Variants in ARL13A observed in about 807,000 individuals in gnomAD.
ARL13A encodes ARF like GTPase 13A.
Under a neutral mutation model 19.1 loss-of-function variants are expected in ARL13A, and 16 were observed. That is an observed-to-expected ratio of 0.84 (90% CI 0.57 to 1.27). The LOEUF is 1.27. ARL13A is among the 50% of genes most tolerant of loss of function. The probability of loss-of-function intolerance (pLI) is 0.00; values close to 1 mark genes in which losing one functional copy is unlikely to be tolerated. For missense variants in ARL13A, 153 were observed against 186.4 expected (o/e 0.82, Z 1.04); for synonymous variants, 69 against 71.3 (o/e 0.97, Z 0.17).
Position 100,970,212 on chromosome X carries a change from C to A in ARL13A, c.-15+403C>A, listed in dbSNP as rs2085638276. ...CTTCATGTGCAAAACTGGAGTAAGG[C>A]TGGTTTTGATCACAGGCCATATATA... On this transcript the variant is annotated intron_variant, in intron 1 of 7. Coordinates refer to ENST00000450049, the MANE Select transcript of ARL13A (RefSeq NM_001162491.2). Among the ~76,000 whole-genome samples the A allele has an allele frequency of 3.6e-5, 4 of 112,665 alleles. No individual in the cohort carries two copies. The Admixed American group carries it at 3.7e-4, about 11-fold the overall frequency.
At chrX:100,976,634 C>T (rs779052052) in intron 3 of ARL13A, among the ~76,000 whole-genome samples, 20 of 112,189 alleles carry the variant, frequency 1.8e-4, no homozygotes, top group East Asian at 2.8e-4. Context: ...TTTTTTGAGA[C>T]GGAGTTTCAC....
intron 1 of ARL13A, 110 bp from the exon 2 acceptor site, chrX:100,973,566 C>A (rs2085714570): frequency 1.1e-6 from 1 of 942,374 alleles, no homozygotes; most frequent in Non-Finnish European, 1.5e-6. Context: ...AGACTTCTAA[C>A]AATCCCAGGC....
chrX:100,970,815 T>C (rs1422997421), intron 1 of ARL13A, among the ~76,000 whole-genome samples: 2 of 110,958 alleles, frequency 1.8e-5, no homozygotes, highest in Non-Finnish European at 3.8e-5. Context: ...CACAATGAAA[T>C]ACCTACCTCA....
At chrX:100,980,181 C>T (rs1284696797) in intron 3 of ARL13A, among the ~76,000 whole-genome samples, 1 of 111,804 alleles carries the variant, frequency 8.9e-6, no homozygotes, top group Non-Finnish European at 1.9e-5. Context: ...TATTTCCCTT[C>T]AGTGCAGCAG....
rs1344617819 is a variant in ARL13A, at chrX:100,987,423, A to G, written c.520A>G (p.Arg174Gly). The G allele has an allele frequency of 9.1e-6, 11 of 1,209,241 alleles. No homozygotes were observed. The highest frequency in any genetic ancestry group is 1.8e-5 in the African/African-American group (1 of 57,118). ...TTCAGCCATCAGAAACCTTGAAAGAAGAAACCATCAGCCCATAGTTGAAGG... is the reference window on the plus strand; with the variant it reads ...TTCAGCCATCAGAAACCTTGAAAGAGGAAACCATCAGCCCATAGTTGAAGG... ...PCSAIRNLER[R>G]NHQPIVEGLR... Residue 174 changes from arginine to glycine, a missense_variant, in exon 6 of 8, where the codon AGA (arginine) becomes GGA (glycine). By Grantham distance (125) the Arg-to-Gly change is moderately radical. Coordinates refer to ENST00000450049, the MANE Select transcript of ARL13A (RefSeq NM_001162491.2).
Position 100,990,521 on chromosome X carries a change from T to C in ARL13A, c.745-41T>C, listed in dbSNP as rs777412725. The C allele has an allele frequency of 3.6e-6, 4 of 1,099,093 alleles. No homozygotes were observed. In the South Asian group the frequency reaches 9.9e-5, roughly 27 times the overall value. 90.6% of individuals were successfully genotyped at this position (1,099,093 alleles called of 1,213,427 possible). A position where few individuals can be genotyped will look rare whatever the true frequency, so the allele number is the denominator to read the frequency against. ...CAACTCCACCTACTCTAATATCACA[T>C]CCCTGAGAACCCCTGTTGTTCCTGT... On this transcript the variant is annotated intron_variant, in intron 7 of 7. Coordinates refer to ENST00000450049, the MANE Select transcript of ARL13A (RefSeq NM_001162491.2).
chrX:100,972,622 C>T (rs1237951767), intron 1 of ARL13A, among the ~76,000 whole-genome samples: 2 of 39,188 alleles, frequency 5.1e-5, no homozygotes, highest in Non-Finnish European at 1.0e-4. Flanking sequence ...CGGGCAGAGG[C>T]GCCCCTCACC....
intron 5 of ARL13A, 59 bp from the exon 6 acceptor site, chrX:100,987,331 T>G: frequency 1.8e-6 from 2 of 1,128,954 alleles, no homozygotes; most frequent in Non-Finnish European, 2.4e-6. Context: ...TGACTGGTTC[T>G]GCGGGCCCCA....
Position 100,977,369 on chromosome X carries a change from C to CTT in ARL13A, c.130+3200_130+3201dup, listed in dbSNP as rs59915769. On this transcript the variant is annotated intron_variant, in intron 3 of 7. Coordinates refer to ENST00000450049, the MANE Select transcript of ARL13A (RefSeq NM_001162491.2). Reference sequence around the variant, plus strand: ...GTAGTAATTATCCTTCTACTCTCTTCTTTTTTTTTTTTTTTTTTTTTTTTT... The same window carrying CTT: ...GTAGTAATTATCCTTCTACTCTCTTCTTTTTTTTTTTTTTTTTTTTTTTTTTT... Among the ~76,000 whole-genome samples, 235 of 56,448 alleles carry CTT rather than the reference C, an allele frequency of 4.2e-3. 34 individuals are homozygous for CTT. The highest frequency in any genetic ancestry group is 0.015 in the African/African-American group (216 of 13,957). The allele number at this position is 56,448 out of a possible 115,157, so 49.0% of individuals were successfully genotyped here.
chrX:100,978,549 T>G, intron 3 of ARL13A, among the ~76,000 whole-genome samples: 1 of 111,488 alleles, frequency 9.0e-6, no homozygotes, highest in Non-Finnish European at 1.9e-5. Flanking sequence ...TTGTATAGAA[T>G]ATAATTTTCT....
At chrX:100,990,502 C>T in intron 7 of ARL13A, 60 bp from the exon 8 acceptor site, 2 of 1,067,663 alleles carry the variant, frequency 1.9e-6, no homozygotes, top group South Asian at 2.9e-5. Context: ...CATACAACTC[C>T]ACCTACTCTA....
At position 100,973,334 on chromosome X, in the gene ARL13A, T is replaced by A. The variant is rs772955653; in HGVS notation, c.-14-342T>A. Among the ~76,000 whole-genome samples the A allele has an allele frequency of 5.2e-3, 492 of 94,998 alleles. 15 individuals are homozygous for A. Among genetic ancestry groups the A allele is most frequent in the Admixed American group, 0.049 (422 of 8,593 alleles). The allele number at this position is 94,998 out of a possible 115,157, so 82.5% of individuals were successfully genotyped here. A position where few individuals can be genotyped will look rare whatever the true frequency, so the allele number is the denominator to read the frequency against. ...GGTGGCGGCCGGGCAGAGGCTGCAA[T>A]CTCGGTACTTTGGGAGGCCAAGGCA... On this transcript the variant is annotated intron_variant, in intron 1 of 7. Coordinates refer to ENST00000450049, the MANE Select transcript of ARL13A (RefSeq NM_001162491.2).
At chrX:100,986,399 G>A (rs1157699357) in intron 4 of ARL13A, among the ~76,000 whole-genome samples, 2 of 111,414 alleles carry the variant, frequency 1.8e-5, no homozygotes, top group Admixed American at 1.9e-4. Context: ...TCTCATCCCC[G>A]CCCCCATCTC....
rs1472543879 is a variant in ARL13A at position 100,988,214 on chromosome X, G to A, written c.675G>A (p.Met225Ile). 8.3e-7 allele frequency: 1 copy of A among 1,206,433 alleles called. No individual in the cohort carries two copies. Among genetic ancestry groups the A allele is most frequent in the African/African-American group, 1.8e-5 (1 of 57,069 alleles). Residue 225 changes from methionine (M) to isoleucine (I), a missense_variant, in exon 7 of 8, where the codon ATG becomes ATA. Coordinates refer to ENST00000450049, the MANE Select transcript of ARL13A (RefSeq NM_001162491.2). ...SSHSFSTRTG[M>I]SKEKRQHLEQ... ...CCAGCTTCTCCACCAGAACAGGAAT[G>A]TCAAAGGAGAAAAGACAGCATCTAG...
Position 100,988,280 on chromosome X carries a change from A to C in ARL13A, c.741A>C (p.Leu247=), listed in dbSNP as rs370728998. The change falls in exon 7 of 8, where the codon CTA becomes CTC. Residue 247 remains leucine (L), a synonymous_variant. Coordinates refer to ENST00000450049, the MANE Select transcript of ARL13A (RefSeq NM_001162491.2). The part of the protein sequence containing the change: ...SIEAKPLKSI[L]QPSNQSYTH Reference sequence around the variant, plus strand: ...AAGCTAAGCCTCTAAAGTCAATCCTACAGGTAAATGGCCCTTTAAATGTTA... The same window carrying C: ...AAGCTAAGCCTCTAAAGTCAATCCTCCAGGTAAATGGCCCTTTAAATGTTA... 12 of 1,208,120 alleles carry C rather than the reference A, an allele frequency of 9.9e-6. No homozygotes were observed. In the African/African-American group the frequency reaches 1.0e-4, roughly 10 times the overall value.
chrX:100,988,347 C>T, intron 7 of ARL13A, 64 bp downstream of exon 7: 1 of 1,206,951 alleles, frequency 8.3e-7, no homozygotes, highest in Non-Finnish European at 1.1e-6. Context: ...CACCAACTAA[C>T]TTTCCCCCCC....
chrX:100,988,818 A>G (rs2085972638), intron 7 of ARL13A, among the ~76,000 whole-genome samples: 2 of 95,671 alleles, frequency 2.1e-5, no homozygotes, highest in Admixed American at 1.2e-4. Context: ...GTGAAAGTAC[A>G]AGAACTTTAT....
chrX:100,973,411 C>T (rs1401303915), intron 1 of ARL13A, among the ~76,000 whole-genome samples: 1 of 104,313 alleles, frequency 9.6e-6, no homozygotes, highest in Non-Finnish European at 2.0e-5. Context: ...CTCCTCCAGC[C>T]GCTGCCTCCC....
chrX:100,978,262 C>T (rs988488552), intron 3 of ARL13A, among the ~76,000 whole-genome samples: 3 of 111,895 alleles, frequency 2.7e-5, no homozygotes, highest in African/African-American at 6.5e-5. Flanking sequence ...TACAATGTTT[C>T]ATTGTTGATC....
Sources: allele counts gnomAD v4.1 joint callset (sites outside exome capture counted in the v4.1 genomes callset), GRCh38; gene constraint gnomAD v4.1.1; transcripts MANE v1.5; gene names NCBI Gene and HGNC (gene_info 2026-07-23, HGNC 2026-07-21).